The following CPVL variants were observed in gnomAD, a reference collection of about 807,000 sequenced individuals.
CPVL encodes probable serine carboxypeptidase CPVL.
Under a neutral mutation model 63.7 loss-of-function variants are expected in CPVL, and 51 were observed. The ratio of observed to expected loss-of-function variants is 0.80; its 90% CI spans 0.64 to 1.01. The LOEUF is 1.01. Ranked by LOEUF, CPVL falls within the 50% of genes least tolerant of loss-of-function variation. CPVL has a pLI of 0.00. For missense variants in CPVL, 530 were observed against 573.1 expected (o/e 0.92, Z 0.77); for synonymous variants, 195 against 206.0 (o/e 0.95, Z 0.46).
In CPVL at chr7:29,120,989, G is replaced by T. The variant is rs200854436; in HGVS notation, c.73C>A (p.Arg25Ser). Residue 25 changes from arginine (R) to serine (S), a missense_variant, in exon 2 of 13, where the codon CGC (arginine) becomes AGC (serine). Physicochemically the swap from Arg to Ser is moderately radical, Grantham distance 110 (BLOSUM62 -1). Coordinates refer to ENST00000265394, the MANE Select transcript of CPVL (RefSeq NM_031311.5). The stretch of plus-strand genomic sequence containing the variant: ...ATGGAAACACTTCTGTATAGGGAGC[G>T]AAACAGCCCATCACAGGGGCCAGGC... ...LMPGPCDGLFRSLYRSVSMPP... is the reference protein window; with the variant it reads ...LMPGPCDGLFSSLYRSVSMPP... The T allele has an allele frequency of 3.1e-6, 5 of 1,613,674 alleles. No homozygotes were observed. Among genetic ancestry groups the T allele is most frequent in the Admixed American group, 1.7e-5 (1 of 59,948 alleles).
At chr7:29,164,237 T>C (rs532403081) in intron 5 of CPVL, among the ~76,000 whole-genome samples, 1 of 152,226 alleles carries the variant, frequency 6.6e-6, no homozygotes, top group African/African-American at 2.4e-5. Flanking sequence ...ATTTTCCTAA[T>C]GACTAATGAT....
chr7:29,152,769 T>G (rs1349041962), intron 5 of CPVL, among the ~76,000 whole-genome samples: 1 of 152,258 alleles, frequency 6.6e-6, no homozygotes, highest in Non-Finnish European at 1.5e-5. Flanking sequence ...TGCACCCCAT[T>G]GTTAAGTTTC....
intron 1 of CPVL, among the ~76,000 whole-genome samples, chr7:29,127,859 A>G (rs185232550): frequency 1.1e-3 from 163 of 152,096 alleles, no homozygotes; most frequent in African/African-American, 3.8e-3. Context: ...CTCCAATTAC[A>G]CTTCTGCACA....
intron 11 of CPVL, among the ~76,000 whole-genome samples, chr7:29,032,719 T>A (rs894275975): frequency 1.3e-5 from 2 of 152,210 alleles, no homozygotes; most frequent in Admixed American, 1.3e-4. Flanking sequence ...TGCATCCATT[T>A]AATTTTACTC....
chr7:29,024,739 C>T (rs1787325907), intron 12 of CPVL, among the ~76,000 whole-genome samples: 1 of 152,162 alleles, frequency 6.6e-6, no homozygotes, highest in Non-Finnish European at 1.5e-5. Flanking sequence ...ACTATACCCA[C>T]AAAGCCATCC....
In CPVL at chr7:29,146,440, G is replaced by C. The variant is rs1792667541; in HGVS notation, c.-22C>G. ...CAGGCGGCACTTACGCGGCGCAGTCGGTGCTCCTCCCTGAGCCGCGGCGCG... is the reference window on the plus strand; with the variant it reads ...CAGGCGGCACTTACGCGGCGCAGTCCGTGCTCCTCCCTGAGCCGCGGCGCG... On this transcript the variant is annotated 5_prime_UTR_variant, in exon 1 of 13. Transcript: ENST00000265394. The C allele has an allele frequency of 4.0e-6, 5 of 1,255,510 alleles. No individual in the cohort carries two copies. In the South Asian group the frequency reaches 6.6e-5, roughly 17 times the overall value. The allele number at this position is 1,255,510 out of a possible 1,614,324, so 77.8% of individuals were successfully genotyped here.
At chr7:29,174,438 G>GAGGGACAGGAACCTGTCCAGACA (rs1236918967) in intron 5 of CPVL, among the ~76,000 whole-genome samples, 3 of 152,210 alleles carry the variant, frequency 2.0e-5, no homozygotes, top group Admixed American at 6.5e-5. Context: ...TCTCCCCCAA[G>GAGGGACAGGAACCTGTCCAGACA]AGGGACAGGA....
chr7:29,183,461 T>C (rs1798321884), intron 4 of CPVL, among the ~76,000 whole-genome samples: 1 of 151,566 alleles, frequency 6.6e-6, no homozygotes, highest in Admixed American at 6.6e-5. Context: ...ACTGCAACTT[T>C]TGTCTCTTGG....
At chr7:29,003,154 G>GCACA (rs535400256) in intron 12 of CPVL, among the ~76,000 whole-genome samples, 1,558 of 123,728 alleles carry the variant, frequency 0.013, 15 homozygotes, top group African/African-American at 0.032. Context: ...ATGTGTATGT[G>GCACA]CACACACACA....
Position 29,064,140 on chromosome 7 carries a change from G to C in CPVL, c.1058C>G (p.Thr353Ser). 1.2e-6 allele frequency: 2 copies of C among 1,612,500 alleles called. No homozygotes were observed. Among genetic ancestry groups the C allele is most frequent in the Non-Finnish European group, 8.5e-7 (1 of 1,178,632 alleles). Residue 353 changes from threonine to serine, a missense_variant, in exon 11 of 13, where the codon ACT becomes AGT. By Grantham distance (58) the Thr-to-Ser change is moderately conservative. Coordinates refer to ENST00000265394, the MANE Select transcript of CPVL (RefSeq NM_031311.5). ...TTCTCGCAAGTACTTTTCAACTATA[G>C]TTCCATCATTAAAAGTCTGATTCCC... ...HVGNQTFNDG[T>S]IVEKYLREDT...
At chr7:29,069,799 T>G (rs937967369) in intron 9 of CPVL, among the ~76,000 whole-genome samples, 10 of 123,540 alleles carry the variant, frequency 8.1e-5, no homozygotes, top group Admixed American at 4.0e-4. Flanking sequence ...TGTGTGTGTG[T>G]GTGTGTGTGT....
At chr7:29,083,228 G>A (rs543958651) in intron 7 of CPVL, among the ~76,000 whole-genome samples, 4 of 152,160 alleles carry the variant, frequency 2.6e-5, no homozygotes, top group South Asian at 2.1e-4. Flanking sequence ...TCTTTCCCTC[G>A]CTGAAGGTGG....
At position 29,162,593 on chromosome 7, in the gene CPVL, G is replaced by A. The variant is rs180720861; in HGVS notation, c.-11+18697C>T. Among the ~76,000 whole-genome samples the A allele has an allele frequency of 9.2e-5, 14 of 151,610 alleles. No individual in the cohort carries two copies. The East Asian group carries it at 1.6e-3, about 17-fold the overall frequency. On this transcript the variant is annotated intron_variant, in intron 5 of 16. Coordinates refer to the CPVL transcript ENST00000409850. ...GGAGAATCACTTGAACCCGGAAGGC[G>A]GAAGTTGCAGTGAGCCGAGATCGTG...
chr7:29,030,494 C>T, intron 12 of CPVL, 83 bp downstream of exon 12: 1 of 1,340,482 alleles, frequency 7.5e-7, no homozygotes, highest in Non-Finnish European at 1.0e-6. Flanking sequence ...TTAAGGTCGG[C>T]CATGTCTCAT....
rs749536934 is a variant in CPVL, at chr7:29,095,076, G to C, written c.462+8C>G. The stretch of plus-strand genomic sequence containing the variant: ...CACTGACAGCTCACAGGGTCATCCC[G>C]GACTTACTGGATTGTCAATGTAAAG... On this transcript the variant is annotated splice_region_variant and intron_variant, in intron 5 of 12. Coordinates refer to ENST00000265394, the MANE Select transcript of CPVL (RefSeq NM_031311.5). The C allele has an allele frequency of 1.1e-5, 17 of 1,611,512 alleles. No individual in the cohort carries two copies. Among genetic ancestry groups the C allele is most frequent in the African/African-American group, 1.3e-5 (1 of 74,982 alleles).
intron 1 of CPVL, 175 bp downstream of exon 1, chr7:29,146,254 G>GAA (rs141813055): frequency 0.053 from 12,274 of 233,786 alleles, 421 homozygotes; most frequent in Middle Eastern, 0.077. Context: ...GCTCCAATTT[G>GAA]AACTTTGACT....
At chr7:29,010,170 G>C (rs920861442) in intron 12 of CPVL, 5 of 151,936 alleles carry the variant, frequency 3.3e-5, no homozygotes, top group African/African-American at 1.2e-4. Context: ...CTAAACCTTG[G>C]GACTCTGGTT....
intron 1 of CPVL, among the ~76,000 whole-genome samples, chr7:29,128,705 ACT>A (rs891035926): frequency 1.0e-5 from 1 of 96,898 alleles, no homozygotes; most frequent in South Asian, 4.2e-4. Flanking sequence ...ACAGAGTAAG[ACT>A]CTGTCTCAAA....
upstream of CPVL, chr7:29,146,886 G>T (rs1248259495): frequency 9.0e-6 from 14 of 1,551,166 alleles, no homozygotes; most frequent in East Asian, 3.4e-4. Flanking sequence ...TTTGGAAAGC[G>T]AGTGGTGTTT....
Sources: allele counts gnomAD v4.1 joint callset (sites outside exome capture counted in the v4.1 genomes callset), GRCh38; gene constraint gnomAD v4.1.1; transcripts MANE v1.5; gene names NCBI Gene and HGNC (gene_info 2026-07-23, HGNC 2026-07-21).